Variants in LRP8 observed in about 807,000 individuals in gnomAD.
LRP8 encodes the protein low-density lipoprotein receptor-related protein 8.
In LRP8, 46 loss-of-function variants were observed where a neutral mutation model predicts 111.6. That is an observed-to-expected ratio of 0.41 (90% CI 0.33 to 0.53). The LOEUF (loss-of-function observed/expected upper bound fraction) is 0.53, where lower values mean the gene tolerates loss of function less well. Among genes scored for constraint, LRP8 ranks in the 20% least tolerant of loss-of-function variants. The pLI is 0.20. For missense variants in LRP8, 959 were observed against 1,297.4 expected (o/e 0.74, Z 4.01); for synonymous variants, 464 against 511.2 (o/e 0.91, Z 1.24).
intron 2 of LRP8, among the ~76,000 whole-genome samples, chr1:53,321,210 T>C (rs373630724): frequency 6.6e-6 from 1 of 152,126 alleles, no homozygotes. Flanking sequence ...AAAGGACACG[T>C]TGTGGGAGCT....
At chr1:53,269,040 A>G (rs1039133058) in intron 8 of LRP8, among the ~76,000 whole-genome samples, 2 of 152,200 alleles carry the variant, frequency 1.3e-5, no homozygotes, top group Non-Finnish European at 2.9e-5. Flanking sequence ...AGAGCCCTCA[A>G]TGGTTTCCCC....
intron 8 of LRP8, 103 bp downstream of exon 8, chr1:53,270,925 T>C: frequency 6.5e-7 from 1 of 1,538,420 alleles, no homozygotes; most frequent in Non-Finnish European, 8.9e-7. Flanking sequence ...CAACCTGCCT[T>C]CTTGTGTGTG....
chr1:53,321,626 G>A (rs872316), intron 2 of LRP8, among the ~76,000 whole-genome samples: 6,579 of 152,220 alleles, frequency 0.043, 346 homozygotes, highest in African/African-American at 0.12. Flanking sequence ...TGTCAAGTCG[G>A]CCACCAGCAG....
chr1:53,247,548 T>G (rs540056455), intron 18 of LRP8, among the ~76,000 whole-genome samples: 1 of 152,272 alleles, frequency 6.6e-6, no homozygotes, highest in East Asian at 1.9e-4. Flanking sequence ...GCAATGCAGG[T>G]TAATTAAATT....
chr1:53,269,616 C>T (rs11206131), intron 8 of LRP8, among the ~76,000 whole-genome samples: 1 of 152,088 alleles, frequency 6.6e-6, no homozygotes, highest in African/African-American at 2.4e-5. Flanking sequence ...CACCCACCCC[C>T]CTTCACCTTC....
At chr1:53,282,791 C>T (rs1647156690) in intron 3 of LRP8, among the ~76,000 whole-genome samples, 1 of 152,152 alleles carries the variant, frequency 6.6e-6, no homozygotes, top group Non-Finnish European at 1.5e-5. Flanking sequence ...ATTCTGCAAG[C>T]ATAGAAGACA....
intron 2 of LRP8, among the ~76,000 whole-genome samples, chr1:53,311,841 A>C (rs2788034): frequency 1.3e-5 from 2 of 152,092 alleles, no homozygotes. Context: ...ATGCTGTGGG[A>C]CTATGGGCTC....
Position 53,257,338 on chromosome 1 carries a change from C to T in LRP8, c.2336G>A (p.Ser779Asn). 1.2e-6 allele frequency: 2 copies of T among 1,614,130 alleles called. No individual in the cohort carries two copies. The highest frequency in any genetic ancestry group is 2.2e-5 in the South Asian group (2 of 91,082). Residue 779 changes from serine to asparagine, a missense_variant, in exon 15 of 19, where the codon AGC becomes AAC. Physicochemically the swap from Ser to Asn is conservative, Grantham distance 46. Transcript: ENST00000306052. ...TGAGCTTGGGACTGCAGCTGTCAGG[C>T]TTGGTGTCTCTGTGCTGTGGTTCTG... ...TYQNHSTETP[S>N]LTAAVPSSVS...
chr1:53,274,241 A>C (rs1646847670), intron 6 of LRP8, among the ~76,000 whole-genome samples: 1 of 152,200 alleles, frequency 6.6e-6, no homozygotes, highest in African/African-American at 2.4e-5. Context: ...ACTCCCACAC[A>C]GGTATGGCCT....
rs901484177 is a variant in LRP8 at position 53,294,112 on chromosome 1, C to A, written c.245-4423G>T. ...TGGCTCTGGTTCCCAGGGTGATTCC[C>A]CAGCTGGGCTCAAGGCCATGGCTCC... On this transcript the variant is annotated intron_variant, in intron 2 of 18. Coordinates refer to ENST00000306052, the MANE Select transcript of LRP8 (RefSeq NM_004631.5). This position sits in a 1 kb window ranked among gnomAD's most constrained non-coding sequence, Gnocchi z 4.1. Among the ~76,000 whole-genome samples, 3 of 152,202 alleles carry A rather than the reference C, an allele frequency of 2.0e-5. No individual in the cohort carries two copies. Among genetic ancestry groups the A allele is most frequent in the Non-Finnish European group, 4.4e-5 (3 of 68,028 alleles).
intron 3 of LRP8, among the ~76,000 whole-genome samples, chr1:53,286,953 A>C (rs1240585406): frequency 1.3e-5 from 2 of 152,272 alleles, no homozygotes; most frequent in African/African-American, 2.4e-5. Context: ...TACCATTACC[A>C]CATTTTACAG....
At chr1:53,247,736 C>T (rs2100331583) in intron 18 of LRP8, among the ~76,000 whole-genome samples, 1 of 152,312 alleles carries the variant, frequency 6.6e-6, no homozygotes, top group Non-Finnish European at 1.5e-5. Flanking sequence ...TTGTTTATAT[C>T]TTCTGACATT....
Position 53,246,730 on chromosome 1 carries a change from A to C in LRP8, c.*288T>G, listed in dbSNP as rs1167959910. The stretch of plus-strand genomic sequence containing the variant: ...CATTGGCCCCCATTTGGTTATGTGC[A>C]TCATGTTAGTCAGCAGTAGCCATTC... On this transcript the variant is annotated 3_prime_UTR_variant, in exon 19 of 19. Transcript: ENST00000306052. The C allele has an allele frequency of 2.7e-5, 11 of 407,582 alleles. No homozygotes were observed. The highest frequency in any genetic ancestry group is 4.4e-6 in the Non-Finnish European group (1 of 229,480). 25.2% of individuals were successfully genotyped at this position (407,582 alleles called of 1,614,324 possible).
At position 53,276,944 on chromosome 1, in the gene LRP8, A is replaced by G. The variant is rs1263790248; in HGVS notation, c.631T>C (p.Phe211Leu). 2.0e-6 allele frequency: 3 copies of G among 1,465,326 alleles called. No homozygotes were observed. The highest frequency in any genetic ancestry group is 2.3e-5 in the Admixed American group (1 of 43,280). 90.8% of individuals were successfully genotyped at this position (1,465,326 alleles called of 1,614,324 possible). A position where few individuals can be genotyped will look rare whatever the true frequency, so the allele number is the denominator to read the frequency against. The change falls in exon 5 of 19, where the codon TTC (phenylalanine) becomes CTC (leucine). Residue 211 changes from phenylalanine (F) to leucine (L), a missense_variant. Around this residue, in one of 3 missense-constraint regions of LRP8, gnomAD observed 819 missense variants for 1,097.6 expected, o/e 0.75. Coordinates refer to ENST00000306052, the MANE Select transcript of LRP8 (RefSeq NM_004631.5). ...CADPACGPRE[F>L]RCGGDGGGAC... ...CCGCCGCCATCGCCGCCGCAGCGGA[A>G]CTCGCGGGGCCCGCAGGCCGGGTCT...
chr1:53,309,695 C>A (rs1241755991), intron 2 of LRP8, among the ~76,000 whole-genome samples: 1 of 152,114 alleles, frequency 6.6e-6, no homozygotes, highest in East Asian at 1.9e-4. Flanking sequence ...TAAGCTGCCC[C>A]CTGAGGGCCC....
intron 16 of LRP8, among the ~76,000 whole-genome samples, chr1:53,254,009 CAG>C (rs1645986336): frequency 6.6e-6 from 1 of 152,050 alleles, no homozygotes; most frequent in South Asian, 2.1e-4. Flanking sequence ...GTGTCTTACA[CAG>C]GGGAGAAGTT....
intron 3 of LRP8, among the ~76,000 whole-genome samples, chr1:53,288,703 T>TC (rs1396145715): frequency 1.1e-4 from 17 of 151,950 alleles, no homozygotes; most frequent in African/African-American, 3.9e-4. Flanking sequence ...GGCTCCTGGG[T>TC]CCCCGCCAGC....
intron 2 of LRP8, among the ~76,000 whole-genome samples, chr1:53,295,943 A>G (rs1051604798): frequency 6.6e-6 from 1 of 152,228 alleles, no homozygotes; most frequent in Admixed American, 6.5e-5. Context: ...GTGTTGACAC[A>G]GCAGCCTGGT....
chr1:53,277,573 C>T (rs189271218), intron 4 of LRP8, among the ~76,000 whole-genome samples: 1 of 152,258 alleles, frequency 6.6e-6, no homozygotes, highest in East Asian at 1.9e-4. Flanking sequence ...CCTGAATGTT[C>T]GCAGCTCCCG....
Sources: allele counts gnomAD v4.1 joint callset (sites outside exome capture counted in the v4.1 genomes callset), GRCh38; gene constraint gnomAD v4.1.1; regional missense constraint gnomAD v4.1.1; non-coding constraint Gnocchi (gnomAD v3.1); transcripts MANE v1.5; gene names NCBI Gene and HGNC (gene_info 2026-07-23, HGNC 2026-07-21).